Variants in KLF12 observed in about 807,000 individuals in gnomAD.
KLF12 encodes KLF transcription factor 12, also known as Krueppel-like factor 12.
A neutral mutation model predicts 37.8 loss-of-function variants in KLF12; 9 were observed. That is an observed-to-expected ratio of 0.24 (90% CI 0.14 to 0.42). The LOEUF (loss-of-function observed/expected upper bound fraction) is 0.42, where lower values mean the gene tolerates loss of function less well. KLF12 is among the 10% of genes least tolerant of loss of function. The pLI, the probability that KLF12 is intolerant of heterozygous loss-of-function variation, is 1.00. For missense variants in KLF12, 411 were observed against 516.0 expected, an observed-to-expected ratio of 0.80 and a Z score of 1.97; for synonymous variants, 208 against 202.1, an observed-to-expected ratio of 1.03 and a Z score of -0.25.
chr13:73,958,416 T>A (rs1890914737), intron 2 of KLF12, among the ~76,000 whole-genome samples: 1 of 151,910 alleles, frequency 6.6e-6, no homozygotes, highest in African/African-American at 2.4e-5. Flanking sequence ...CTAATTTTTG[T>A]ATATTTAGTA....
intron 2 of KLF12, among the ~76,000 whole-genome samples, chr13:73,981,423 C>T (rs1164293949): frequency 1.3e-5 from 2 of 152,062 alleles, no homozygotes; most frequent in Non-Finnish European, 2.9e-5. Flanking sequence ...GAATTCTATT[C>T]ATTTGTGGAA....
chr13:73,706,150 T>C (rs976594473), intron 7 of KLF12, among the ~76,000 whole-genome samples: 21 of 152,056 alleles, frequency 1.4e-4, no homozygotes, highest in African/African-American at 4.4e-4. Flanking sequence ...TGAGACTCCA[T>C]CTCAAAACAA....
intron 5 of KLF12, among the ~76,000 whole-genome samples, chr13:73,798,196 C>T (rs1205011616): frequency 6.6e-6 from 1 of 152,052 alleles, no homozygotes; most frequent in African/African-American, 2.4e-5. Context: ...ATGAATGGTG[C>T]TGGGAAAACT....
At chr13:73,937,944 C>T (rs567999933) in intron 3 of KLF12, among the ~76,000 whole-genome samples, 7 of 152,162 alleles carry the variant, frequency 4.6e-5, no homozygotes, top group Admixed American at 2.6e-4. Flanking sequence ...TTAGCCATAA[C>T]ACAGCAACTG....
chr13:74,241,998 A>G, the KLF12 span, among the ~76,000 whole-genome samples: 1 of 152,220 alleles, frequency 6.6e-6, no homozygotes, highest in Non-Finnish European at 1.5e-5. Context: ...AAGTAGGAAT[A>G]TTAAAAGCTC....
intron 4 of KLF12, among the ~76,000 whole-genome samples, chr13:73,829,731 T>TC (rs772661642): frequency 3.3e-5 from 5 of 150,560 alleles, no homozygotes; most frequent in African/African-American, 4.9e-5. Flanking sequence ...ATGGCTGAGC[T>TC]CCCCAGTATC....
At chr13:73,954,825 T>G (rs1250331494) in intron 2 of KLF12, among the ~76,000 whole-genome samples, 1 of 152,254 alleles carries the variant, frequency 6.6e-6, no homozygotes, top group Non-Finnish European at 1.5e-5. Flanking sequence ...ATATTAAATT[T>G]TACGTATAAT....
intron 6 of KLF12, among the ~76,000 whole-genome samples, chr13:73,739,054 A>T (rs1322734804): frequency 2.0e-5 from 3 of 152,172 alleles, no homozygotes; most frequent in Admixed American, 2.0e-4. Context: ...GGACAACATG[A>T]TGAAACCCTG....
At chr13:74,086,480 G>T (rs1159160388) in intron 1 of KLF12, among the ~76,000 whole-genome samples, 1 of 152,038 alleles carries the variant, frequency 6.6e-6, no homozygotes, top group Admixed American at 6.6e-5. Flanking sequence ...GTATTCCACG[G>T]TGTATATGTG....
At chr13:74,243,977 T>C in the KLF12 span, among the ~76,000 whole-genome samples, 1 of 152,230 alleles carries the variant, frequency 6.6e-6, no homozygotes, top group African/African-American at 2.4e-5. Flanking sequence ...ATGTTGGGGT[T>C]AGAAAAACTG....
chr13:74,085,587 A>G (rs1370985815), intron 1 of KLF12, among the ~76,000 whole-genome samples: 1 of 152,206 alleles, frequency 6.6e-6, no homozygotes, highest in Non-Finnish European at 1.5e-5. Context: ...ATTTTTCTAA[A>G]GTTTAGCAGC....
intron 3 of KLF12, among the ~76,000 whole-genome samples, chr13:73,937,939 C>T (rs1489909975): frequency 6.6e-6 from 1 of 152,068 alleles, no homozygotes; most frequent in Non-Finnish European, 1.5e-5. Context: ...TCACATTAGC[C>T]ATAACACAGC....
intron 3 of KLF12, among the ~76,000 whole-genome samples, chr13:73,857,558 C>T (rs904777275): frequency 6.6e-6 from 1 of 152,126 alleles, no homozygotes; most frequent in Non-Finnish European, 1.5e-5. Context: ...TAGTTGGTTA[C>T]AAAATTTCCT....
At chr13:74,272,883 T>C in the KLF12 span, among the ~76,000 whole-genome samples, 66 of 152,262 alleles carry the variant, frequency 4.3e-4, no homozygotes, top group African/African-American at 1.4e-3. Context: ...AGGTACCTGG[T>C]ATTCTGAGTG....
At chr13:74,113,666 C>T (rs892420393) in intron 1 of KLF12, among the ~76,000 whole-genome samples, 12 of 152,154 alleles carry the variant, frequency 7.9e-5, no homozygotes, top group South Asian at 6.2e-4. Flanking sequence ...CTGACACAGA[C>T]GTATGTAGAA....
chr13:74,060,484 TTGTGTGTGTGTGTGTGTGTG>T (rs60242793), intron 1 of KLF12, among the ~76,000 whole-genome samples: 63 of 108,622 alleles, frequency 5.8e-4, no homozygotes, highest in African/African-American at 1.9e-3. Flanking sequence ...TACCTAGGTT[TTGTGTGTGTGTGTGTGTGTG>T]TGTGTGTGTG....
chr13:73,871,464 A>C (rs1328814043), intron 3 of KLF12, among the ~76,000 whole-genome samples: 1 of 152,236 alleles, frequency 6.6e-6, no homozygotes, highest in Non-Finnish European at 1.5e-5. Context: ...ATGAAAGAGA[A>C]AAAGGAATGT....
At chr13:73,877,891 G>A (rs1400370800) in intron 3 of KLF12, among the ~76,000 whole-genome samples, 2 of 152,056 alleles carry the variant, frequency 1.3e-5, no homozygotes, top group South Asian at 2.1e-4. Context: ...GGTATTCCCT[G>A]TTTTCACGCC....
upstream of KLF12, among the ~76,000 whole-genome samples, chr13:74,137,059 C>A (rs1017617400): frequency 6.6e-6 from 1 of 152,108 alleles, no homozygotes; most frequent in Non-Finnish European, 1.5e-5. Flanking sequence ...CAAACTAGTT[C>A]ATGTAATTCT....
Sources: gnomAD v4.1 joint callset for allele counts (sites outside exome capture counted in the v4.1 genomes callset) on GRCh38, gnomAD v4.1.1 for gene constraint, MANE v1.5 for transcripts, NCBI Gene and HGNC (gene_info 2026-07-23, HGNC 2026-07-21) for gene names.